GRIK1: variants seen among roughly 807,000 people sequenced by gnomAD.
The protein encoded by GRIK1 is glutamate ionotropic receptor kainate type subunit 1, also known as glutamate receptor ionotropic, kainate 1.
In GRIK1, 69 loss-of-function variants were observed where a neutral mutation model predicts 105.7. That is an observed-to-expected ratio of 0.65 (90% confidence interval 0.54 to 0.80). GRIK1 has a LOEUF of 0.80. Among genes scored for constraint, GRIK1 ranks in the 30% least tolerant of loss-of-function variants. GRIK1 has a pLI of 0.00. For missense variants in GRIK1, 1,109 were observed against 1,167.3 expected, an observed-to-expected ratio of 0.95 and a Z score of 0.73; for synonymous variants, 438 against 431.3, an observed-to-expected ratio of 1.02 and a Z score of -0.19.
At chr21:29,887,863 C>G (rs777580842) in intron 1 of GRIK1, among the ~76,000 whole-genome samples, 1 of 152,018 alleles carries the variant, frequency 6.6e-6, no homozygotes, top group Non-Finnish European at 1.5e-5. Context: ...TATGGCCAAT[C>G]CAAGGGAGAC....
intron 1 of GRIK1, among the ~76,000 whole-genome samples, chr21:29,742,410 C>T (rs1185976058): frequency 6.6e-6 from 1 of 152,190 alleles, no homozygotes; most frequent in Non-Finnish European, 1.5e-5. Flanking sequence ...TCAAGTACAA[C>T]ATCCATTTCC....
intron 3 of GRIK1, among the ~76,000 whole-genome samples, chr21:29,677,695 C>G (rs1410572937): frequency 1.3e-5 from 2 of 152,136 alleles, no homozygotes; most frequent in African/African-American, 2.4e-5. Flanking sequence ...GAAGTCTGCT[C>G]CATGCCTTAT....
At chr21:29,585,647 T>G (rs1336292592) in intron 12 of GRIK1, among the ~76,000 whole-genome samples, 2 of 152,130 alleles carry the variant, frequency 1.3e-5, no homozygotes, top group Non-Finnish European at 2.9e-5. Context: ...TCAGTCCTAG[T>G]ATCACCCAAC....
At chr21:29,837,308 G>T (rs971985361) in intron 1 of GRIK1, among the ~76,000 whole-genome samples, 2 of 152,140 alleles carry the variant, frequency 1.3e-5, no homozygotes, top group Admixed American at 6.6e-5. Context: ...TGTTTATTGA[G>T]TAAAAGAATA....
intron 1 of GRIK1, among the ~76,000 whole-genome samples, chr21:29,750,802 T>C (rs1264246048): frequency 2.0e-5 from 3 of 152,198 alleles, no homozygotes; most frequent in African/African-American, 7.2e-5. Flanking sequence ...AGATATCAAA[T>C]TGATGTATCT....
At chr21:29,934,866 A>C (rs552201624) in intron 1 of GRIK1, among the ~76,000 whole-genome samples, 3 of 152,262 alleles carry the variant, frequency 2.0e-5, no homozygotes, top group South Asian at 2.1e-4. Flanking sequence ...GATGAATGAC[A>C]CAGGTAAAAT....
intron 1 of GRIK1, among the ~76,000 whole-genome samples, chr21:29,780,873 T>C (rs1415679083): frequency 6.6e-6 from 1 of 152,184 alleles, no homozygotes; most frequent in Non-Finnish European, 1.5e-5. Context: ...ACAATGTTTA[T>C]ATGAAAGACA....
intron 1 of GRIK1, among the ~76,000 whole-genome samples, chr21:29,804,880 A>G (rs1436042718): frequency 6.6e-6 from 1 of 152,132 alleles, no homozygotes; most frequent in Non-Finnish European, 1.5e-5. Flanking sequence ...AAACTTTCAT[A>G]TGACTTCATT....
At chr21:29,703,810 G>T (rs2063856421) in intron 1 of GRIK1, among the ~76,000 whole-genome samples, 1 of 152,230 alleles carries the variant, frequency 6.6e-6, no homozygotes, top group Admixed American at 6.5e-5. Context: ...TCTGCTATAA[G>T]TGTCTTCAGG....
chr21:29,580,396 C>T (rs1388729922), intron 13 of GRIK1, among the ~76,000 whole-genome samples: 1 of 151,932 alleles, frequency 6.6e-6, no homozygotes, highest in South Asian at 2.1e-4. Flanking sequence ...TTTAGCAGTG[C>T]CCACACAAAC....
In GRIK1 at chr21:29,780,981, A is replaced by G. The variant is rs150472660; in HGVS notation, c.119-86918T>C. On this transcript the variant is annotated intron_variant, in intron 1 of 17. Transcript: ENST00000327783. ...AACCCCTCAACCTCAGATTATAGATATAACACATTCCCATCTGGAATAGCC... is the reference window on the plus strand; with the variant it reads ...AACCCCTCAACCTCAGATTATAGATGTAACACATTCCCATCTGGAATAGCC... 2.7e-3 allele frequency among the ~76,000 whole-genome samples: 407 copies of G among 152,298 alleles called. 1 individual carries two copies. Among genetic ancestry groups the G allele is most frequent in the African/African-American group, 9.1e-3 (379 of 41,558 alleles).
At chr21:29,718,120 G>A (rs1471194841) in intron 1 of GRIK1, among the ~76,000 whole-genome samples, 2 of 152,136 alleles carry the variant, frequency 1.3e-5, no homozygotes, top group East Asian at 3.9e-4. Flanking sequence ...GAGGCCTCCT[G>A]AGCCATGCTA....
At chr21:29,775,699 TCTA>T (rs1467701723) in intron 1 of GRIK1, among the ~76,000 whole-genome samples, 12 of 152,076 alleles carry the variant, frequency 7.9e-5, no homozygotes, top group Admixed American at 7.2e-4. Context: ...TCAGTTGCTC[TCTA>T]CTAAGTCATT....
At chr21:29,893,001 C>T (rs927460119) in intron 1 of GRIK1, among the ~76,000 whole-genome samples, 2 of 152,108 alleles carry the variant, frequency 1.3e-5, no homozygotes, top group Admixed American at 6.5e-5. Context: ...ATGGAGAAAC[C>T]CCACCTCAAC....
intron 7 of GRIK1, among the ~76,000 whole-genome samples, chr21:29,639,081 T>C (rs1266805699): frequency 7.2e-5 from 11 of 152,202 alleles, no homozygotes; most frequent in Non-Finnish European, 5.9e-5. Flanking sequence ...TCGAAACCTA[T>C]GGCCCTGGTG....
chr21:29,699,704 A>T (rs2063776273), intron 1 of GRIK1, among the ~76,000 whole-genome samples: 2 of 149,812 alleles, frequency 1.3e-5, no homozygotes, highest in South Asian at 4.2e-4. Context: ...GCTGGAGTGC[A>T]TTGGCGCAAT....
At chr21:29,757,516 A>C (rs1235041010) in intron 1 of GRIK1, among the ~76,000 whole-genome samples, 1 of 152,210 alleles carries the variant, frequency 6.6e-6, no homozygotes, top group African/African-American at 2.4e-5. Context: ...ATATATAGAA[A>C]ATTTGAAACA....
chr21:29,778,049 T>A (rs913542153), intron 1 of GRIK1, among the ~76,000 whole-genome samples: 3 of 152,264 alleles, frequency 2.0e-5, no homozygotes, highest in Admixed American at 1.3e-4. Flanking sequence ...AATAAAAACG[T>A]ATCTGAATCA....
chr21:29,893,310 A>G (rs1467661918), intron 1 of GRIK1, among the ~76,000 whole-genome samples: 1 of 152,172 alleles, frequency 6.6e-6, no homozygotes, highest in Non-Finnish European at 1.5e-5. Context: ...TTCTTCATCT[A>G]CAAAATAGAG....
Sources: gnomAD v4.1 joint callset for allele counts (sites outside exome capture counted in the v4.1 genomes callset) on GRCh38, gnomAD v4.1.1 for gene constraint, MANE v1.5 for transcripts, NCBI Gene and HGNC (gene_info 2026-07-23, HGNC 2026-07-21) for gene names.